PPP1R15A: variants seen among roughly 807,000 people sequenced by gnomAD.
The protein encoded by PPP1R15A is protein phosphatase 1 regulatory subunit 15A.
In PPP1R15A, 43 loss-of-function variants were observed where a neutral mutation model predicts 48.5. The observed-to-expected ratio is 0.89, with a 90% CI of 0.69 to 1.14. PPP1R15A has a LOEUF of 1.14. Ranked by LOEUF, PPP1R15A falls within the 50% of genes most tolerant of loss-of-function variation. PPP1R15A has a pLI of 0.00. For missense variants in PPP1R15A, 868 were observed against 847.2 expected (o/e 1.02, Z -0.30); for synonymous variants, 327 against 327.4 (o/e 1.00, Z 0.01).
At chr19:48,875,448 GAT>G in intron 2 of PPP1R15A, 164 bp from the exon 3 acceptor site, 1 of 952,474 alleles carries the variant, frequency 1.0e-6, no homozygotes, top group Non-Finnish European at 1.5e-6. Flanking sequence ...GAGTCAGATA[GAT>G]AGAGAATCCC....
rs759511503 is a variant in PPP1R15A at position 48,874,614 on chromosome 19, T to G, written c.1381T>G (p.Leu461Val). The part of the protein sequence containing the change: ...EDKEDDSEAA[L>V]GEAESDPHPS... ...TAAGGAAGATGATTCAGAAGCAGCC[T>G]TGGGAGAAGCTGAGTCAGACCCACA... Residue 461 changes from leucine to valine, a missense_variant, in exon 2 of 3, where the codon TTG becomes GTG. Leu to Val is a conservative substitution (Grantham distance 32). Coordinates refer to ENST00000200453, the MANE Select transcript of PPP1R15A (RefSeq NM_014330.5). 1 of 1,614,040 alleles carries G rather than the reference T, an allele frequency of 6.2e-7. No individual in the cohort carries two copies. Among genetic ancestry groups the G allele is most frequent in the South Asian group, 1.1e-5 (1 of 91,086 alleles).
chr19:48,874,937 T>C, intron 2 of PPP1R15A, 39 bp downstream of exon 2: 1 of 1,478,572 alleles, frequency 6.8e-7, no homozygotes, highest in Non-Finnish European at 8.9e-7. Flanking sequence ...TTTTTTTTTT[T>C]TTAATTGAGT....
Position 48,875,794 on chromosome 19 carries a change from T to G in PPP1R15A, c.1846T>G (p.Trp616Gly). 1.2e-6 allele frequency: 2 copies of G among 1,613,536 alleles called. No homozygotes were observed. The highest frequency in any genetic ancestry group is 1.7e-6 in the Non-Finnish European group (2 of 1,179,720). ...CACCCCTGCTGCCCGGGCCAGAGCC[T>G]GGGCACGCCTCAGGAACCCACCTTT... Reference protein sequence around the residue: ...CLTPAARARAWARLRNPPLAP... With the variant: ...CLTPAARARAGARLRNPPLAP... Residue 616 changes from tryptophan to glycine, a missense_variant, in exon 3 of 3, where the codon TGG becomes GGG. Coordinates refer to ENST00000200453, the MANE Select transcript of PPP1R15A (RefSeq NM_014330.5).
Position 48,873,872 on chromosome 19 carries a change from A to G in PPP1R15A, c.639A>G (p.Pro213=), listed in dbSNP as rs150011740. 3.2e-5 allele frequency: 51 copies of G among 1,614,132 alleles called. 1 individual carries two copies. In the African/African-American group the frequency reaches 5.5e-4, roughly 17 times the overall value. ...GAACCTCTACTTCTGCCTTGTCTCCAGGATCCAAGCCCAGCACTTGGGTGT... is the reference window on the plus strand; with the variant it reads ...GAACCTCTACTTCTGCCTTGTCTCCGGGATCCAAGCCCAGCACTTGGGTGT... The part of the protein sequence containing the change: ...AHRTSTSALS[P]GSKPSTWVSC... The change falls in exon 2 of 3, where the codon CCA becomes CCG. Residue 213 remains proline (P), a synonymous_variant. Transcript: ENST00000200453.
chr19:48,873,994 G>T lies in PPP1R15A; in HGVS notation c.761G>T (p.Gly254Val), dbSNP rs1044696844. 5 of 1,614,064 alleles carry T rather than the reference G, an allele frequency of 3.1e-6. No homozygotes were observed. Among genetic ancestry groups the T allele is most frequent in the Non-Finnish European group, 4.2e-6 (5 of 1,180,030 alleles). The change falls in exon 2 of 3, where the codon GGC (glycine) becomes GTC (valine). Residue 254 changes from glycine (G) to valine (V), a missense_variant. Physicochemically the swap from Gly to Val is moderately radical, Grantham distance 109. Coordinates refer to ENST00000200453, the MANE Select transcript of PPP1R15A (RefSeq NM_014330.5). ...RKTSVSPRSS[G>V]SDPRSWEYRS... ...ACCTCCGTGTCCCCCCGATCTTCAG[G>T]CTCCGACCCCAGGTCCTGGGAGTAT...
chr19:48,873,782 C>T lies in PPP1R15A; in HGVS notation c.549C>T (p.His183=), dbSNP rs371690928. 308 of 1,614,018 alleles carry T rather than the reference C, an allele frequency of 1.9e-4. 2 individuals carry two copies. In the South Asian group the frequency reaches 2.5e-3, roughly 13 times the overall value. ...ACAAGTTCTCTTATCCACCATCACACCGGGAGTGTTGTCCAGCCGTGGAGG... is the reference window on the plus strand; with the variant it reads ...ACAAGTTCTCTTATCCACCATCACATCGGGAGTGTTGTCCAGCCGTGGAGG... ...GVNKFSYPPS[H]RECCPAVEEE... The change falls in exon 2 of 3, where the codon CAC becomes CAT. Residue 183 remains histidine (H), a synonymous_variant. Transcript: ENST00000200453.
intron 2 of PPP1R15A, 84 bp downstream of exon 2, chr19:48,874,982 G>A: frequency 7.1e-7 from 1 of 1,404,446 alleles, no homozygotes; most frequent in Non-Finnish European, 9.3e-7. Flanking sequence ...CTGGAGTGCA[G>A]CGGCATGATC....
chr19:48,875,054 G>A (rs1411591869), intron 2 of PPP1R15A, 156 bp downstream of exon 2: 4 of 913,656 alleles, frequency 4.4e-6, no homozygotes, highest in Non-Finnish European at 4.6e-6. Context: ...AGCCTCCAGA[G>A]TATCTGGGAT....
chr19:48,875,789 G>C lies in PPP1R15A; in HGVS notation c.1841G>C (p.Arg614Thr). ...SPCLTPAARA[R>T]AWARLRNPPL... ...TGCCTCACCCCTGCTGCCCGGGCCA[G>C]AGCCTGGGCACGCCTCAGGAACCCA... Residue 614 changes from arginine to threonine, a missense_variant, in exon 3 of 3, where the codon AGA (arginine) becomes ACA (threonine). Coordinates refer to ENST00000200453, the MANE Select transcript of PPP1R15A (RefSeq NM_014330.5). 2 of 1,613,908 alleles carry C rather than the reference G, an allele frequency of 1.2e-6. No homozygotes were observed. The highest frequency in any genetic ancestry group is 1.7e-6 in the Non-Finnish European group (2 of 1,179,846).
rs1353042583 is a variant in PPP1R15A at position 48,875,673 on chromosome 19, G to T, written c.1725G>T (p.Gln575His). The T allele has an allele frequency of 6.2e-7, 1 of 1,610,584 alleles. No individual in the cohort carries two copies. The highest frequency in any genetic ancestry group is 2.2e-5 in the East Asian group (1 of 44,800). Reference protein sequence around the residue: ...HFLAVWAGPAQAARQGPWEQL... With the variant: ...HFLAVWAGPAHAARQGPWEQL... ...TGGCTGTCTGGGCAGGGCCGGCCCA[G>T]GCCGCCCGCCAGGGCCCCTGGGAGC... is the stretch of plus-strand genomic sequence containing the variant. Residue 575 changes from glutamine to histidine, a missense_variant, in exon 3 of 3, where the codon CAG becomes CAT. Transcript: ENST00000200453.
chr19:48,875,041 C>A, intron 2 of PPP1R15A, 143 bp downstream of exon 2: 1 of 1,061,388 alleles, frequency 9.4e-7, no homozygotes, highest in Non-Finnish European at 1.3e-6. Context: ...ATTCTCGTGC[C>A]TCAGCCTCCA....
rs892190138 is a variant in PPP1R15A, at chr19:48,876,020, G to A, written c.*47G>A. ...TTTATTAACTATTTATTTTTTCTAA[G>A]TGTGGGTTTATATAAGGAATAAAGC... is the stretch of plus-strand genomic sequence containing the variant. On this transcript the variant is annotated 3_prime_UTR_variant, in exon 3 of 3. Coordinates refer to ENST00000200453, the MANE Select transcript of PPP1R15A (RefSeq NM_014330.5). The A allele has an allele frequency of 2.3e-5, 35 of 1,502,204 alleles. 2 individuals are homozygous for A. In the African/African-American group the frequency reaches 2.7e-4, roughly 11 times the overall value. The allele number at this position is 1,502,204 out of a possible 1,614,324, so 93.1% of individuals were successfully genotyped here.
At chr19:48,875,427 C>T in intron 2 of PPP1R15A, 187 bp from the exon 3 acceptor site, 1 of 810,554 alleles carries the variant, frequency 1.2e-6, no homozygotes, top group Non-Finnish European at 1.8e-6. Context: ...GAAACCACCT[C>T]TTCCTTCAGT....
chr19:48,872,543 C>G lies in PPP1R15A; in HGVS notation c.-118C>G. Reference sequence around the variant, plus strand: ...CTCTGAGTTACTCGGAGCCCGACGCCTGAGGGTGAGATGAACGCGCTGGCC... The same window carrying G: ...CTCTGAGTTACTCGGAGCCCGACGCGTGAGGGTGAGATGAACGCGCTGGCC... On this transcript the variant is annotated 5_prime_UTR_variant, in exon 1 of 3. Transcript: ENST00000200453. 4.4e-6 allele frequency: 2 copies of G among 455,830 alleles called. No individual in the cohort carries two copies. The highest frequency in any genetic ancestry group is 8.8e-6 in the Non-Finnish European group (2 of 226,272). The allele number at this position is 455,830 out of a possible 1,614,324, so 28.2% of individuals were successfully genotyped here.
Position 48,874,524 on chromosome 19 carries a change from G to A in PPP1R15A, c.1291G>A (p.Ala431Thr). ...STPPASAFLK[A>T]WVYRPGEDTE... Reference sequence around the variant, plus strand: ...ACCCCCTGCAAGTGCTTTCTTGAAGGCCTGGGTGTATCGGCCAGGAGAGGA... The same window carrying A: ...ACCCCCTGCAAGTGCTTTCTTGAAGACCTGGGTGTATCGGCCAGGAGAGGA... Residue 431 changes from alanine to threonine, a missense_variant, in exon 2 of 3, where the codon GCC (alanine) becomes ACC (threonine). Transcript: ENST00000200453. The A allele has an allele frequency of 6.2e-7, 1 of 1,613,986 alleles. No individual in the cohort carries two copies.
intron 2 of PPP1R15A, 80 bp from the exon 3 acceptor site, chr19:48,875,534 T>A (rs1256560478): frequency 6.7e-7 from 1 of 1,485,568 alleles, no homozygotes; most frequent in Non-Finnish European, 9.0e-7. Flanking sequence ...TTTGCTTCTC[T>A]CTCTCTCTTC....
Position 48,875,975 on chromosome 19 carries a change from A to G in PPP1R15A, c.*2A>G. 1 of 1,564,930 alleles carries G rather than the reference A, an allele frequency of 6.4e-7. No individual in the cohort carries two copies. Among genetic ancestry groups the G allele is most frequent in the Non-Finnish European group, 8.7e-7 (1 of 1,153,484 alleles). On this transcript the variant is annotated 3_prime_UTR_variant, in exon 3 of 3. Coordinates refer to ENST00000200453, the MANE Select transcript of PPP1R15A (RefSeq NM_014330.5). ...GACCTCAGTGGGAGGCGTGGCTGAG[A>G]CCAACTGGTTTGCCTATAATTTATT...
Position 48,876,021 on chromosome 19 carries a change from T to C in PPP1R15A, c.*48T>C. On this transcript the variant is annotated 3_prime_UTR_variant, in exon 3 of 3. Transcript: ENST00000200453. ...TTATTAACTATTTATTTTTTCTAAG[T>C]GTGGGTTTATATAAGGAATAAAGCC... is the stretch of plus-strand genomic sequence containing the variant. 1 of 1,500,912 alleles carries C rather than the reference T, an allele frequency of 6.7e-7. No individual in the cohort carries two copies. Among genetic ancestry groups the C allele is most frequent in the South Asian group, 1.4e-5 (1 of 73,052 alleles). The allele number at this position is 1,500,912 out of a possible 1,614,324, so 93.0% of individuals were successfully genotyped here.
At position 48,873,524 on chromosome 19, in the gene PPP1R15A, G is replaced by A. The variant is rs769390105; in HGVS notation, c.291G>A (p.Gly97=). ...GGPGEDRETL[G]LKTSSSLPEA... The stretch of plus-strand genomic sequence containing the variant: ...CTGGAGAGGACAGAGAAACACTGGG[G>A]CTGAAAACCAGCAGTTCCCTTCCTG... Residue 97 remains glycine (G), a synonymous_variant, in exon 2 of 3, where the codon GGG becomes GGA. Transcript: ENST00000200453. 3 of 1,614,084 alleles carry A rather than the reference G, an allele frequency of 1.9e-6. No homozygotes were observed. The African/African-American group carries it at 4.0e-5, about 22-fold the overall frequency.
Sources: allele counts gnomAD v4.1 joint callset, GRCh38; gene constraint gnomAD v4.1.1; transcripts MANE v1.5; gene names NCBI Gene and HGNC (gene_info 2026-07-23, HGNC 2026-07-21).